The following NALF1 variants were observed in gnomAD, a reference collection of about 807,000 sequenced individuals.
NALF1 encodes the protein NALCN channel auxiliary factor 1.
In NALF1, 3 loss-of-function variants were observed where a neutral mutation model predicts 48.4. That is an observed-to-expected ratio of 0.06 (90% confidence interval 0.03 to 0.16). The LOEUF is 0.16. NALF1 is among the 10% of genes least tolerant of loss of function. The pLI is 1.00. For synonymous variants in NALF1, 262 were observed against 245.7 expected, an observed-to-expected ratio of 1.07 and a Z score of -0.62; for missense variants, 526 against 571.5, an observed-to-expected ratio of 0.92 and a Z score of 0.81.
chr13:107,808,421 T>C (rs951493154), intron 1 of NALF1, among the ~76,000 whole-genome samples: 2 of 152,238 alleles, frequency 1.3e-5, no homozygotes, highest in African/African-American at 2.4e-5. Flanking sequence ...TGCACATTTT[T>C]CCCAAGATTT....
At chr13:107,586,524 G>T (rs565217436) in intron 1 of NALF1, among the ~76,000 whole-genome samples, 1 of 150,456 alleles carries the variant, frequency 6.6e-6, no homozygotes, top group African/African-American at 2.5e-5. Context: ...ATAAATCATT[G>T]TATTTATCTA....
intron 1 of NALF1, among the ~76,000 whole-genome samples, chr13:107,699,009 A>C (rs1448788581): frequency 6.6e-6 from 1 of 152,176 alleles, no homozygotes; most frequent in East Asian, 1.9e-4. Context: ...GAAGGAAAAA[A>C]TAAATGATCC....
At chr13:107,851,810 T>C (rs948926628) in intron 1 of NALF1, among the ~76,000 whole-genome samples, 1 of 142,690 alleles carries the variant, frequency 7.0e-6, no homozygotes, top group African/African-American at 2.6e-5. Flanking sequence ...CCTTTCTTTT[T>C]TTTTTTTTTT....
chr13:107,670,985 G>A (rs1880977579), intron 1 of NALF1, among the ~76,000 whole-genome samples: 1 of 151,996 alleles, frequency 6.6e-6, no homozygotes, highest in African/African-American at 2.4e-5. Flanking sequence ...CAGCTCTGTT[G>A]ATTTTTAATT....
At chr13:107,812,150 G>C (rs544981208) in intron 1 of NALF1, among the ~76,000 whole-genome samples, 2 of 152,162 alleles carry the variant, frequency 1.3e-5, no homozygotes, top group East Asian at 3.9e-4. Context: ...AAAAACTAAA[G>C]CTTCATTCAT....
chr13:107,455,447 A>C (rs1380139918), intron 1 of NALF1, among the ~76,000 whole-genome samples: 1 of 152,180 alleles, frequency 6.6e-6, no homozygotes, highest in Non-Finnish European at 1.5e-5. Flanking sequence ...TCCTGTGACC[A>C]CACCCATGTA....
chr13:107,624,453 G>GA (rs763707499), intron 1 of NALF1, among the ~76,000 whole-genome samples: 54 of 152,082 alleles, frequency 3.6e-4, no homozygotes, highest in South Asian at 6.3e-4. Flanking sequence ...TGTAGTTCTG[G>GA]AAAAAACCAC....
chr13:107,441,481 G>A (rs2139026470), intron 1 of NALF1, among the ~76,000 whole-genome samples: 1 of 152,228 alleles, frequency 6.6e-6, no homozygotes, highest in South Asian at 2.1e-4. Flanking sequence ...TGTGAATAAT[G>A]GGACTTAGTC....
intron 1 of NALF1, among the ~76,000 whole-genome samples, chr13:107,489,070 G>A (rs1323144782): frequency 1.3e-5 from 2 of 152,084 alleles, no homozygotes; most frequent in African/African-American, 2.4e-5. Flanking sequence ...AACTAGGAAG[G>A]TTTAAGATCT....
intron 1 of NALF1, among the ~76,000 whole-genome samples, chr13:107,217,373 GTTGT>G (rs1422178985): frequency 2.0e-5 from 3 of 152,156 alleles, no homozygotes; most frequent in East Asian, 1.9e-4. Flanking sequence ...TGCTGTTGCT[GTTGT>G]TTGTTTGTTT....
chr13:107,741,363 T>C (rs548141009), intron 1 of NALF1, among the ~76,000 whole-genome samples: 2 of 152,290 alleles, frequency 1.3e-5, no homozygotes, highest in South Asian at 4.1e-4. Context: ...AAACAATCAA[T>C]TTATTGTTAA....
chr13:107,231,448 C>T (rs1428221293), intron 1 of NALF1, among the ~76,000 whole-genome samples: 1 of 152,134 alleles, frequency 6.6e-6, no homozygotes, highest in Non-Finnish European at 1.5e-5. Flanking sequence ...TCCCCCAACC[C>T]GTGCTGTGAA....
intron 1 of NALF1, among the ~76,000 whole-genome samples, chr13:107,388,017 G>A (rs1883559817): frequency 1.3e-5 from 2 of 152,158 alleles, no homozygotes; most frequent in African/African-American, 4.8e-5. Context: ...CCCTCCCTGA[G>A]TGAATGTTTG....
At chr13:107,615,152 C>G (rs182605893) in intron 1 of NALF1, among the ~76,000 whole-genome samples, 3 of 152,316 alleles carry the variant, frequency 2.0e-5, no homozygotes, top group Admixed American at 6.5e-5. Flanking sequence ...TTGACATAAA[C>G]TTGACCTATT....
At chr13:107,642,038 G>A (rs1437444618) in intron 1 of NALF1, among the ~76,000 whole-genome samples, 2 of 152,164 alleles carry the variant, frequency 1.3e-5, no homozygotes, top group African/African-American at 4.8e-5. Context: ...GACCAGGTAA[G>A]GTCCTCAGAC....
At chr13:107,227,084 C>T (rs1388027197) in intron 1 of NALF1, among the ~76,000 whole-genome samples, 3 of 152,222 alleles carry the variant, frequency 2.0e-5, no homozygotes, top group African/African-American at 7.2e-5. Flanking sequence ...AGCAATTCGG[C>T]ACACCATCAG....
At chr13:107,575,861 G>T (rs1878125348) in intron 1 of NALF1, among the ~76,000 whole-genome samples, 1 of 151,980 alleles carries the variant, frequency 6.6e-6, no homozygotes, top group Admixed American at 6.6e-5. Flanking sequence ...CACAGTCTGG[G>T]TATAAAATGA....
At chr13:107,534,266 A>T (rs1303045193) in intron 1 of NALF1, among the ~76,000 whole-genome samples, 1 of 152,134 alleles carries the variant, frequency 6.6e-6, no homozygotes, top group Non-Finnish European at 1.5e-5. Flanking sequence ...TGTTTACTTC[A>T]GAATTTTTGC....
chr13:107,308,363 G>T lies in NALF1; in HGVS notation c.916-97608C>A, dbSNP rs981006036. 4.0e-5 allele frequency among the ~76,000 whole-genome samples: 6 copies of T among 151,658 alleles called. No homozygotes were observed. The East Asian group carries it at 1.2e-3, about 29-fold the overall frequency. On this transcript the variant is annotated intron_variant, in intron 1 of 2. Coordinates refer to ENST00000375915, the MANE Select transcript of NALF1 (RefSeq NM_001080396.3). Reference sequence around the variant, plus strand: ...ACTAAAGGTACCCGCCACCACGCCCGGCTAATTTTTTTGTATTTTCAGTAG... The same window carrying T: ...ACTAAAGGTACCCGCCACCACGCCCTGCTAATTTTTTTGTATTTTCAGTAG...
Sources: gnomAD v4.1 joint callset for allele counts (sites outside exome capture counted in the v4.1 genomes callset) on GRCh38, gnomAD v4.1.1 for gene constraint, MANE v1.5 for transcripts, NCBI Gene and HGNC (gene_info 2026-07-23, HGNC 2026-07-21) for gene names.